Variants in AKAP6 observed in about 807,000 individuals in gnomAD.
AKAP6 encodes the protein A-kinase anchor protein 6.
AKAP6 carries 58 observed loss-of-function variants against 188.5 expected under a neutral mutation model. The ratio of observed to expected loss-of-function variants is 0.31; its 90% CI spans 0.25 to 0.38. The LOEUF (loss-of-function observed/expected upper bound fraction) is 0.38, where lower values mean the gene tolerates loss of function less well. AKAP6 is among the 10% of genes least tolerant of loss of function. The pLI, the probability that AKAP6 is intolerant of heterozygous loss-of-function variation, is 1.00. For synonymous variants in AKAP6, 989 were observed against 998.6 expected (o/e 0.99, Z 0.18); for missense variants, 2,710 against 2,740.0 (o/e 0.99, Z 0.24).
intron 2 of AKAP6, among the ~76,000 whole-genome samples, chr14:32,452,496 C>A (rs772895152): frequency 6.6e-6 from 1 of 151,966 alleles, no homozygotes; most frequent in Non-Finnish European, 1.5e-5. Flanking sequence ...GTATACTTGT[C>A]TAAAATATTT....
chr14:32,581,090 G>A (rs1036492107), intron 5 of AKAP6, among the ~76,000 whole-genome samples: 1 of 152,162 alleles, frequency 6.6e-6, no homozygotes, highest in Non-Finnish European at 1.5e-5. Flanking sequence ...GCTGGGTCAA[G>A]TGGTATTTCT....
At chr14:32,738,384 C>T (rs1000681179) in intron 11 of AKAP6, among the ~76,000 whole-genome samples, 4 of 152,180 alleles carry the variant, frequency 2.6e-5, no homozygotes, top group South Asian at 2.1e-4. Flanking sequence ...CAAAACGAGT[C>T]GAGGAAGAGC....
At chr14:32,478,220 C>T (rs1879167705) in intron 2 of AKAP6, among the ~76,000 whole-genome samples, 1 of 152,044 alleles carries the variant, frequency 6.6e-6, no homozygotes, top group Non-Finnish European at 1.5e-5. Context: ...AATGTTGTTG[C>T]CAAGAAGTCA....
At chr14:32,718,314 CAGCGTTTA>C in intron 9 of AKAP6, 8 of 985,362 alleles carry the variant, frequency 8.1e-6, no homozygotes, top group Non-Finnish European at 9.6e-6. Context: ...GCTGCAGCAG[CAGCGTTTA>C]AGCCTTAAAG....
chr14:32,668,381 T>G (rs1889039851), intron 7 of AKAP6, among the ~76,000 whole-genome samples: 1 of 152,134 alleles, frequency 6.6e-6, no homozygotes, highest in East Asian at 1.9e-4. Flanking sequence ...TGCTGTTACT[T>G]TTAATAAACA....
At chr14:32,358,088 C>G (rs1004420007) in intron 1 of AKAP6, among the ~76,000 whole-genome samples, 29 of 152,312 alleles carry the variant, frequency 1.9e-4, no homozygotes, top group African/African-American at 7.0e-4. Context: ...AAGAGGGCAT[C>G]AAAGAGCACC....
At chr14:32,368,784 GC>G (rs1275385472) in intron 1 of AKAP6, among the ~76,000 whole-genome samples, 5 of 151,832 alleles carry the variant, frequency 3.3e-5, no homozygotes. Flanking sequence ...GCTGTTATGG[GC>G]CCTGGGGTTT....
intron 12 of AKAP6, among the ~76,000 whole-genome samples, chr14:32,820,295 A>G (rs1247806826): frequency 6.6e-6 from 1 of 152,054 alleles, no homozygotes; most frequent in African/African-American, 2.4e-5. Context: ...ATATATATAT[A>G]TAATCTTTCT....
At chr14:32,612,040 A>C (rs75682545) in intron 7 of AKAP6, among the ~76,000 whole-genome samples, 547 of 152,282 alleles carry the variant, frequency 3.6e-3, no homozygotes, top group African/African-American at 0.012. Flanking sequence ...GTTGAAGCTG[A>C]GGAGGGACTA....
intron 3 of AKAP6, among the ~76,000 whole-genome samples, chr14:32,544,455 T>C (rs796877747): frequency 5.9e-5 from 9 of 152,176 alleles, no homozygotes; most frequent in African/African-American, 2.2e-4. Context: ...GTAATGCTGT[T>C]TTTTTAGTGT....
chr14:32,717,953 G>T (rs991906341), intron 9 of AKAP6, among the ~76,000 whole-genome samples: 1 of 152,004 alleles, frequency 6.6e-6, no homozygotes, highest in Non-Finnish European at 1.5e-5. Flanking sequence ...TCAAGAGTAG[G>T]GTTCTTAAGT....
At position 32,588,692 on chromosome 14, in the gene AKAP6, CTT is replaced by C. The variant is rs141197993; in HGVS notation, c.2470-10717_2470-10716del. 3.2e-3 allele frequency among the ~76,000 whole-genome samples: 483 copies of C among 152,284 alleles called. 1 individual carries two copies. The highest frequency in any genetic ancestry group is 0.011 in the African/African-American group (465 of 41,548). On this transcript the variant is annotated intron_variant, in intron 5 of 13. Transcript: ENST00000280979. ...AATTCCTACAGACAGTGCTTACAGT[CTT>C]GGTATCCGTGAAGGGTTTGAAAATG...
chr14:32,498,257 A>C (rs1367295336), intron 2 of AKAP6, among the ~76,000 whole-genome samples: 1 of 152,106 alleles, frequency 6.6e-6, no homozygotes, highest in African/African-American at 2.4e-5. Flanking sequence ...CAGATATAAA[A>C]GGTATGGCTT....
chr14:32,517,749 G>T (rs979278946), intron 2 of AKAP6, among the ~76,000 whole-genome samples: 1 of 152,230 alleles, frequency 6.6e-6, no homozygotes, highest in Non-Finnish European at 1.5e-5. Context: ...GCCTACCTCT[G>T]TAGACTCCAC....
intron 2 of AKAP6, among the ~76,000 whole-genome samples, chr14:32,449,049 G>A (rs1176151463): frequency 1.3e-5 from 2 of 152,162 alleles, no homozygotes; most frequent in African/African-American, 4.8e-5. Context: ...CCAGGTAGAA[G>A]ATGAGATTGC....
chr14:32,453,828 G>A (rs1427256786), intron 2 of AKAP6, among the ~76,000 whole-genome samples: 1 of 150,786 alleles, frequency 6.6e-6, no homozygotes, highest in Non-Finnish European at 1.5e-5. Context: ...CTCATGATCC[G>A]CCCGCCTCGG....
At chr14:32,358,136 A>G (rs149840774) in intron 1 of AKAP6, among the ~76,000 whole-genome samples, 1,995 of 152,316 alleles carry the variant, frequency 0.013, 68 homozygotes, top group Admixed American at 0.074. Flanking sequence ...GAAAAGTATT[A>G]AAGCCTCAAG....
chr14:32,465,794 G>A (rs1488642706), intron 2 of AKAP6, among the ~76,000 whole-genome samples: 2 of 152,040 alleles, frequency 1.3e-5, no homozygotes, highest in African/African-American at 2.4e-5. Context: ...ATGAACAGGC[G>A]ACCTAAGAAT....
intron 2 of AKAP6, among the ~76,000 whole-genome samples, chr14:32,485,887 C>A (rs899450757): frequency 6.6e-6 from 1 of 152,146 alleles, no homozygotes; most frequent in Non-Finnish European, 1.5e-5. Context: ...GAAGTCTTTG[C>A]CCATGCCTAT....
Sources: gnomAD v4.1 joint callset for allele counts (sites outside exome capture counted in the v4.1 genomes callset) on GRCh38, gnomAD v4.1.1 for gene constraint, MANE v1.5 for transcripts, NCBI Gene and HGNC (gene_info 2026-07-23, HGNC 2026-07-21) for gene names.